TNNI3K: variants seen among roughly 807,000 people sequenced by gnomAD.
TNNI3K encodes the protein TNNI3 interacting kinase, also known as serine/threonine-protein kinase TNNI3K.
TNNI3K carries 140 observed loss-of-function variants against 114.5 expected under a neutral mutation model. That is an observed-to-expected ratio of 1.22 (90% CI 1.07 to 1.41). The LOEUF (loss-of-function observed/expected upper bound fraction) is 1.41. TNNI3K is among the 40% of genes most tolerant of loss of function. The probability of loss-of-function intolerance (pLI) is 0.00; values close to 1 mark genes in which losing one functional copy is unlikely to be tolerated. For synonymous variants in TNNI3K, 347 were observed against 347.5 expected, an observed-to-expected ratio of 1.00 and a Z score of 0.02; for missense variants, 1,125 against 1,007.6, an observed-to-expected ratio of 1.12 and a Z score of -1.58.
At chr1:74,509,690 T>C (rs922133487) in intron 23 of TNNI3K, among the ~76,000 whole-genome samples, 6 of 151,636 alleles carry the variant, frequency 4.0e-5, no homozygotes, top group Admixed American at 2.6e-4. Context: ...TAGAGTGTTG[T>C]GTTTGATTTT....
intron 21 of TNNI3K, among the ~76,000 whole-genome samples, chr1:74,484,735 G>T (rs1668665872): frequency 6.6e-6 from 1 of 152,148 alleles, no homozygotes; most frequent in Admixed American, 6.5e-5. Context: ...AATCATAGGA[G>T]CAGGTTGTTG....
chr1:74,381,782 A>G (rs1364382216), intron 17 of TNNI3K, among the ~76,000 whole-genome samples: 1 of 152,224 alleles, frequency 6.6e-6, no homozygotes, highest in Non-Finnish European at 1.5e-5. Flanking sequence ...TTATTTGATT[A>G]TCCAAGATCC....
intron 3 of TNNI3K, 36 bp from the exon 4 acceptor site, chr1:74,250,636 A>C (rs199596913): frequency 2.3e-5 from 36 of 1,594,790 alleles, no homozygotes; most frequent in Non-Finnish European, 3.0e-5. Context: ...CCCCATCCCC[A>C]CAATGATTTA....
intron 13 of TNNI3K, among the ~76,000 whole-genome samples, chr1:74,368,286 T>C (rs1662386778): frequency 6.6e-6 from 1 of 151,708 alleles, no homozygotes; most frequent in Non-Finnish European, 1.5e-5. Context: ...CTAGAAAACA[T>C]ATGTGAAAAA....
chr1:74,341,198 T>A (rs6424580), intron 7 of TNNI3K, among the ~76,000 whole-genome samples: 151,906 of 152,310 alleles, frequency 1, 75,753 homozygotes, highest in Non-Finnish European at 1. Context: ...TTCAGTTGTT[T>A]TTACTTCAGG....
chr1:74,531,155 T>G (rs1646577303), intron 23 of TNNI3K, among the ~76,000 whole-genome samples: 1 of 152,168 alleles, frequency 6.6e-6, no homozygotes, highest in Non-Finnish European at 1.5e-5. Context: ...GGGTTTGATA[T>G]TCCTGAAAGA....
intron 21 of TNNI3K, chr1:74,471,812 T>A (rs915447592): frequency 7.2e-5 from 31 of 432,364 alleles, no homozygotes; most frequent in Non-Finnish European, 1.2e-4. Context: ...TTAATTTGGA[T>A]TTGCTCTTTC....
At chr1:74,273,363 C>G (rs766206066) in intron 5 of TNNI3K, among the ~76,000 whole-genome samples, 8 of 151,344 alleles carry the variant, frequency 5.3e-5, no homozygotes, top group Non-Finnish European at 8.9e-5. Context: ...TAAATGTTTT[C>G]CAAAAAAGAA....
intron 2 of TNNI3K, among the ~76,000 whole-genome samples, chr1:74,237,390 T>C (rs903759544): frequency 1.3e-5 from 2 of 152,018 alleles, no homozygotes; most frequent in Admixed American, 6.6e-5. Context: ...AAAGTATGAA[T>C]ATAGAAATTA....
chr1:74,347,718 T>C (rs2100457925), intron 9 of TNNI3K, among the ~76,000 whole-genome samples: 1 of 152,336 alleles, frequency 6.6e-6, no homozygotes, highest in Admixed American at 6.5e-5. Flanking sequence ...TGGTATCTCA[T>C]TGTGGTTTTG....
At position 74,347,221 on chromosome 1, in the gene TNNI3K, A is replaced by G. The variant is rs181254246; in HGVS notation, c.932+4042A>G. ...TGTGTCCATGTGTTCTCATTGTTCA[A>G]TTCCCACCTATGAGTGAGAACATGC... is the stretch of plus-strand genomic sequence containing the variant. On this transcript the variant is annotated intron_variant, in intron 9 of 24. Coordinates refer to ENST00000326637, the MANE Select transcript of TNNI3K (RefSeq NM_015978.3). Among the ~76,000 whole-genome samples the G allele has an allele frequency of 1.6e-3, 224 of 135,968 alleles. 1 individual carries two copies. Among genetic ancestry groups the G allele is most frequent in the African/African-American group, 6.1e-3 (217 of 35,638 alleles). The allele number at this position is 135,968 out of a possible 152,430, so 89.2% of individuals were successfully genotyped here.
chr1:74,340,454 A>G (rs1314408157), intron 7 of TNNI3K, among the ~76,000 whole-genome samples: 3 of 152,198 alleles, frequency 2.0e-5, no homozygotes, highest in Non-Finnish European at 4.4e-5. Context: ...AACTAAATAC[A>G]TCACAATGAC....
chr1:74,246,764 C>A (rs1253227193), intron 2 of TNNI3K, among the ~76,000 whole-genome samples: 1 of 152,120 alleles, frequency 6.6e-6, no homozygotes, highest in Admixed American at 6.5e-5. Context: ...GCAATAAACA[C>A]CTGAGAAAAT....
At chr1:74,500,590 C>A (rs921640935) in intron 23 of TNNI3K, among the ~76,000 whole-genome samples, 1 of 103,198 alleles carries the variant, frequency 9.7e-6, no homozygotes, top group African/African-American at 3.5e-5. Flanking sequence ...GGCGACAGAG[C>A]GAGACTCCGT....
rs1271400828 is a variant in TNNI3K, at chr1:74,451,732, T to C, written c.2012-11709T>C. On this transcript the variant is annotated intron_variant, in intron 20 of 24. Coordinates refer to ENST00000326637, the MANE Select transcript of TNNI3K (RefSeq NM_015978.3). ...CTTTCTTTCTTTCTTTCTTTCTTTC[T>C]TTCTTTCTTTCTTTCTTTTCTTTTC... 4.0e-3 allele frequency among the ~76,000 whole-genome samples: 243 copies of C among 61,070 alleles called. 5 individuals are homozygous for C. The highest frequency in any genetic ancestry group is 0.014 in the African/African-American group (234 of 16,970). The allele number at this position is 61,070 out of a possible 152,430, so 40.1% of individuals were successfully genotyped here.
rs1207656550 is a variant in TNNI3K, at chr1:74,349,715, G to A, written c.933-3551G>A. ...TTAGTCTTGGGAGAGTGTATGTGTCGAGGAATTTATCCATTTCTTCTAGAT... is the reference window on the plus strand; with the variant it reads ...TTAGTCTTGGGAGAGTGTATGTGTCAAGGAATTTATCCATTTCTTCTAGAT... On this transcript the variant is annotated intron_variant, in intron 9 of 24. Coordinates refer to ENST00000326637, the MANE Select transcript of TNNI3K (RefSeq NM_015978.3). Among the ~76,000 whole-genome samples the A allele has an allele frequency of 1.1e-4, 16 of 152,036 alleles. No homozygotes were observed. In the South Asian group the frequency reaches 1.9e-3, roughly 18 times the overall value.
chr1:74,265,927 T>C (rs188708253), intron 4 of TNNI3K, among the ~76,000 whole-genome samples: 2 of 152,016 alleles, frequency 1.3e-5, no homozygotes, highest in East Asian at 3.9e-4. Flanking sequence ...ACATAAATAA[T>C]AGTGATTATA....
At chr1:74,374,742 T>C (rs1006295120) in intron 17 of TNNI3K, 5 of 151,878 alleles carry the variant, frequency 3.3e-5, no homozygotes, top group African/African-American at 1.2e-4. Flanking sequence ...ATTTTGAAAA[T>C]GTTCATAATT....
chr1:74,438,566 G>A (rs935273478), intron 19 of TNNI3K, among the ~76,000 whole-genome samples: 1 of 151,972 alleles, frequency 6.6e-6, no homozygotes, highest in Non-Finnish European at 1.5e-5. Context: ...AGGAATCTGA[G>A]GTCCAGGAAA....
Sources: gnomAD v4.1 joint callset for allele counts (sites outside exome capture counted in the v4.1 genomes callset) on GRCh38, gnomAD v4.1.1 for gene constraint, MANE v1.5 for transcripts, NCBI Gene and HGNC (gene_info 2026-07-23, HGNC 2026-07-21) for gene names.